Variants in SHMT1 observed in about 807,000 individuals in gnomAD.
The protein encoded by SHMT1 is serine hydroxymethyltransferase 1, also known as serine hydroxymethyltransferase, cytosolic.
A neutral mutation model predicts 49.0 loss-of-function variants in SHMT1; 45 were observed. The observed-to-expected ratio is 0.92, with a 90% CI of 0.72 to 1.18. SHMT1 has a LOEUF of 1.18. Ranked by LOEUF, SHMT1 falls within the 50% of genes most tolerant of loss-of-function variation. SHMT1 has a pLI of 0.00. For missense variants in SHMT1, 541 were observed against 612.4 expected (o/e 0.88, Z 1.23); for synonymous variants, 232 against 246.6 (o/e 0.94, Z 0.55).
At position 18,328,411 on chromosome 17, in the gene SHMT1, C is replaced by T. The variant is rs1322457888; in HGVS notation, c.*339G>A. On this transcript the variant is annotated 3_prime_UTR_variant, in exon 12 of 12. Transcript: ENST00000316694. ...GGAGGAAAGCCCAGGGAGAGTAAAA[C>T]GCTACAATCTTTCTAACAGCTTTGC... 6 of 346,534 alleles carry T rather than the reference C, an allele frequency of 1.7e-5. No homozygotes were observed. The highest frequency in any genetic ancestry group is 1.4e-4 in the East Asian group (2 of 14,070). 21.5% of individuals were successfully genotyped at this position (346,534 alleles called of 1,614,324 possible).
rs1480682041 is a variant in SHMT1, at chr17:18,340,536, A to C, written c.601+196T>G. The C allele has an allele frequency of 1.4e-6, 1 of 694,798 alleles. No homozygotes were observed. The highest frequency in any genetic ancestry group is 2.6e-6 in the Non-Finnish European group (1 of 386,278). 43.0% of individuals were successfully genotyped at this position (694,798 alleles called of 1,614,324 possible). A position where few individuals can be genotyped will look rare whatever the true frequency, so the allele number is the denominator to read the frequency against. On this transcript the variant is annotated intron_variant, in intron 6 of 11. Coordinates refer to ENST00000316694, the MANE Select transcript of SHMT1 (RefSeq NM_004169.5). The surrounding 1 kb of genome is among the most constrained non-coding windows in gnomAD (Gnocchi z 4.5). ...TTCTCTGAGAACAGTCTCACATCTT[A>C]ATCTACATAGCACAAAAAGCAGCAA...
intron 8 of SHMT1, among the ~76,000 whole-genome samples, chr17:18,334,636 A>T (rs887893868): frequency 1.9e-4 from 29 of 152,290 alleles, no homozygotes; most frequent in African/African-American, 6.7e-4. Context: ...ATTCAGACTT[A>T]TCTGGTATCT....
rs114346972 is a variant in SHMT1, at chr17:18,335,224, C to T, written c.931+335G>A. Among the ~76,000 whole-genome samples the T allele has an allele frequency of 6.7e-3, 1,021 of 152,334 alleles. 7 individuals are homozygous for T. The highest frequency in any genetic ancestry group is 0.023 in the African/African-American group (959 of 41,576). ...CAGGCCCATCAAGGGCAAGGGGACT[C>T]ATCCTGCAGGGTCTGGACCCCAATC... On this transcript the variant is annotated intron_variant, in intron 8 of 11. Coordinates refer to ENST00000316694, the MANE Select transcript of SHMT1 (RefSeq NM_004169.5).
intron 1 of SHMT1, among the ~76,000 whole-genome samples, chr17:18,358,152 A>AG (rs1986426299): frequency 7.7e-6 from 1 of 130,118 alleles, no homozygotes; most frequent in South Asian, 2.3e-4. Flanking sequence ...AGGACTCTTA[A>AG]AAAAAAAAAA....
At chr17:18,339,367 G>A (rs1984228465) in intron 7 of SHMT1, among the ~76,000 whole-genome samples, 1 of 152,144 alleles carries the variant, frequency 6.6e-6, no homozygotes, top group African/African-American at 2.4e-5. Flanking sequence ...ATGCAGCCTT[G>A]TGAGGCCTCC....
At chr17:18,348,535 T>C (rs1985347026) in intron 3 of SHMT1, 95 bp from the exon 4 acceptor site, 2 of 859,782 alleles carry the variant, frequency 2.3e-6, no homozygotes, top group Non-Finnish European at 4.0e-6. Flanking sequence ...ACAGTGAAAC[T>C]AAAGTGGAGA....
intron 8 of SHMT1, among the ~76,000 whole-genome samples, chr17:18,333,612 C>T (rs1983477606): frequency 2.0e-5 from 3 of 151,768 alleles, no homozygotes; most frequent in African/African-American, 7.3e-5. Context: ...ACTACAGGCA[C>T]ATGCCACCAT....
rs1159623763 is a variant in SHMT1, at chr17:18,358,578, CCA to C, written c.-19-2580_-19-2579del. On this transcript the variant is annotated intron_variant, in intron 1 of 11. Coordinates refer to ENST00000316694, the MANE Select transcript of SHMT1 (RefSeq NM_004169.5). Reference sequence around the variant, plus strand: ...CCCCAAAGCACATGCTCTAAGTAATCCACAGAGTTCCTGTGAAGCTGTTAGTT... The same window carrying C: ...CCCCAAAGCACATGCTCTAAGTAATCCAGAGTTCCTGTGAAGCTGTTAGTT... 8.5e-5 allele frequency among the ~76,000 whole-genome samples: 13 copies of C among 152,232 alleles called. No homozygotes were observed. The East Asian group carries it at 1.5e-3, about 18-fold the overall frequency.
Position 18,353,875 on chromosome 17 carries a change from T to C in SHMT1, c.97-58A>G. 5.4e-6 allele frequency: 8 copies of C among 1,494,008 alleles called. 1 individual carries two copies. The South Asian group carries it at 6.8e-5, about 13-fold the overall frequency. 92.5% of individuals were successfully genotyped at this position (1,494,008 alleles called of 1,614,324 possible). A position where few individuals can be genotyped will look rare whatever the true frequency, so the allele number is the denominator to read the frequency against. On this transcript the variant is annotated intron_variant, in intron 2 of 11. Transcript: ENST00000316694. ...GAAATTTTAGTTTAAAATTTTGCTCTGATCCAAATTACAACCTCCTAAAGA... is the reference window on the plus strand; with the variant it reads ...GAAATTTTAGTTTAAAATTTTGCTCCGATCCAAATTACAACCTCCTAAAGA...
chr17:18,328,840 C>T lies in SHMT1; in HGVS notation c.1362G>A (p.Gly454=). 3 of 1,613,774 alleles carry T rather than the reference C, an allele frequency of 1.9e-6. No individual in the cohort carries two copies. The highest frequency in any genetic ancestry group is 1.7e-6 in the Non-Finnish European group (2 of 1,180,018). The change falls in exon 12 of 12, where the codon GGG becomes GGA. Residue 454 remains glycine, a synonymous_variant. Coordinates refer to ENST00000316694, the MANE Select transcript of SHMT1 (RefSeq NM_004169.5). ...TLKEFKERLA[G]DKYQAAVQAL... ...CCTGCACGGCCGCCTGGTACTTATC[C>T]CCTGCCAGTCTCTCCTTGAACTCTT...
At chr17:18,338,002 G>C (rs1212380480) in intron 7 of SHMT1, among the ~76,000 whole-genome samples, 19 of 151,584 alleles carry the variant, frequency 1.3e-4, no homozygotes, top group Admixed American at 3.9e-4. Flanking sequence ...ACCCCGTCTG[G>C]GAAGTGAGGA....
chr17:18,357,792 C>T (rs1376746527), intron 1 of SHMT1, among the ~76,000 whole-genome samples: 1 of 150,038 alleles, frequency 6.7e-6, no homozygotes, highest in Non-Finnish European at 1.5e-5. Context: ...CCAGCCTGGG[C>T]ATTGCTACAA....
chr17:18,351,317 A>T (rs1985671455), intron 3 of SHMT1, among the ~76,000 whole-genome samples: 1 of 148,542 alleles, frequency 6.7e-6, no homozygotes, highest in South Asian at 2.1e-4. Context: ...ATTTTTTTGT[A>T]TTTTTTTTTA....
At chr17:18,328,966 G>C in intron 11 of SHMT1, 47 bp from the exon 12 acceptor site, 3 of 1,609,222 alleles carry the variant, frequency 1.9e-6, no homozygotes, top group Non-Finnish European at 2.5e-6. Context: ...CACACCAAAG[G>C]GGGTACAATG....
chr17:18,353,446 C>G, intron 3 of SHMT1: 1 of 573,570 alleles, frequency 1.7e-6, no homozygotes, highest in East Asian at 3.1e-5. Context: ...TTCTAGAAAG[C>G]CCCCAAAGAA....
chr17:18,347,108 C>G (rs1168640820), intron 5 of SHMT1, among the ~76,000 whole-genome samples: 1 of 152,216 alleles, frequency 6.6e-6, no homozygotes, highest in East Asian at 1.9e-4. Flanking sequence ...TGCTGGCCCA[C>G]AGGGGCTCCG....
chr17:18,349,747 G>A (rs564000592), intron 3 of SHMT1, among the ~76,000 whole-genome samples: 11 of 151,986 alleles, frequency 7.2e-5, no homozygotes, highest in South Asian at 4.2e-4. Context: ...CGGGCCCGGC[G>A]TAGTGGCTCA....
rs537725326 is a variant in SHMT1, at chr17:18,348,971, A to C, written c.243-531T>G. Among the ~76,000 whole-genome samples, 4 of 150,732 alleles carry C rather than the reference A, an allele frequency of 2.7e-5. No individual in the cohort carries two copies. In the South Asian group the frequency reaches 8.5e-4, roughly 32 times the overall value. On this transcript the variant is annotated intron_variant, in intron 3 of 11. Coordinates refer to ENST00000316694, the MANE Select transcript of SHMT1 (RefSeq NM_004169.5). ...TCCAGCCTGGACCCTGTCTCAAAAA[A>C]AAAAAAGAAAAGAAAAAGAAAAAAA...
At chr17:18,352,255 T>C (rs1985795779) in intron 3 of SHMT1, among the ~76,000 whole-genome samples, 1 of 149,378 alleles carries the variant, frequency 6.7e-6, no homozygotes, top group Admixed American at 6.8e-5. Flanking sequence ...CACGCCATTC[T>C]CCTGCATCAG....
Sources: allele counts gnomAD v4.1 joint callset (sites outside exome capture counted in the v4.1 genomes callset), GRCh38; gene constraint gnomAD v4.1.1; non-coding constraint Gnocchi (gnomAD v3.1); transcripts MANE v1.5; gene names NCBI Gene and HGNC (gene_info 2026-07-23, HGNC 2026-07-21).